Variants in THSD7B observed in about 807,000 individuals in gnomAD.
THSD7B encodes the protein thrombospondin type 1 domain containing 7B.
A neutral mutation model predicts 213.6 loss-of-function variants in THSD7B; 138 were observed. That is an observed-to-expected ratio of 0.65 (90% CI 0.56 to 0.74). THSD7B has a LOEUF of 0.74. Ranked by LOEUF, THSD7B falls within the 30% of genes least tolerant of loss-of-function variation. THSD7B has a pLI of 0.00. For synonymous variants in THSD7B, 742 were observed against 687.0 expected, an observed-to-expected ratio of 1.08 and a Z score of -1.25; for missense variants, 1,931 against 1,991.5, an observed-to-expected ratio of 0.97 and a Z score of 0.58.
chr2:137,075,357 C>G (rs1322410645), intron 3 of THSD7B, among the ~76,000 whole-genome samples: 4 of 152,194 alleles, frequency 2.6e-5, no homozygotes, highest in Non-Finnish European at 4.4e-5. Flanking sequence ...CGCTGGTACT[C>G]TTTCTTCCAG....
intron 5 of THSD7B, among the ~76,000 whole-genome samples, chr2:137,121,578 AATAGTT>A (rs1192402606): frequency 6.6e-6 from 1 of 152,186 alleles, no homozygotes; most frequent in Non-Finnish European, 1.5e-5. Flanking sequence ...TTTTACAAGT[AATAGTT>A]CAGCTTTCCT....
intron 15 of THSD7B, among the ~76,000 whole-genome samples, chr2:137,541,762 A>G (rs1357226632): frequency 1.3e-5 from 2 of 151,748 alleles, no homozygotes; most frequent in African/African-American, 4.8e-5. Flanking sequence ...TCAATTAGCC[A>G]GATAGAAATT....
intron 12 of THSD7B, among the ~76,000 whole-genome samples, chr2:137,303,555 G>C (rs953875255): frequency 2.0e-5 from 3 of 150,552 alleles, no homozygotes; most frequent in African/African-American, 7.3e-5. Flanking sequence ...GATACATTAA[G>C]AAGTTGGGGT....
intron 14 of THSD7B, among the ~76,000 whole-genome samples, chr2:137,434,899 C>G (rs1366193240): frequency 6.6e-6 from 1 of 152,082 alleles, no homozygotes; most frequent in Non-Finnish European, 1.5e-5. Context: ...ACATTTTTTT[C>G]TTCCATTAAG....
intron 1 of THSD7B, among the ~76,000 whole-genome samples, chr2:136,847,747 G>C (rs1220025833): frequency 6.6e-6 from 1 of 152,102 alleles, no homozygotes; most frequent in Non-Finnish European, 1.5e-5. Flanking sequence ...AGGTCAAAAA[G>C]CATGTAAGCA....
intron 2 of THSD7B, among the ~76,000 whole-genome samples, chr2:136,946,474 C>T (rs953964087): frequency 2.0e-5 from 3 of 152,140 alleles, no homozygotes; most frequent in African/African-American, 2.4e-5. Context: ...CTCCATTCTC[C>T]GAGCTCAAAC....
At chr2:137,667,626 C>T (rs1293735713) in intron 26 of THSD7B, 148 bp from the exon 27 acceptor site, 11 of 596,054 alleles carry the variant, frequency 1.8e-5, no homozygotes, top group Non-Finnish European at 2.7e-5. Context: ...CTAACTTCTG[C>T]AGTTGAGTGC....
intron 2 of THSD7B, among the ~76,000 whole-genome samples, chr2:137,037,594 G>C (rs925916834): frequency 6.6e-6 from 1 of 152,048 alleles, no homozygotes; most frequent in Non-Finnish European, 1.5e-5. Flanking sequence ...AACAGGTCTT[G>C]ATTTGACAGG....
chr2:137,056,663 C>T lies in THSD7B; in HGVS notation c.383C>T (p.Thr128Ile), dbSNP rs1687168503. The T allele has an allele frequency of 1.9e-6, 3 of 1,614,008 alleles. No individual in the cohort carries two copies. The highest frequency in any genetic ancestry group is 2.5e-6 in the Non-Finnish European group (3 of 1,179,898). Residue 128 changes from threonine (T) to isoleucine (I), a missense_variant, in exon 3 of 28, where the codon ACT becomes ATT. Thr to Ile is a moderately conservative substitution (Grantham distance 89). Coordinates refer to ENST00000409968, the MANE Select transcript of THSD7B (RefSeq NM_001316349.2). ...PYARGEVKPR[T>I]AECVTAQHGL... ...GCTCGCGGTGAAGTCAAGCCTCGGACTGCAGAGTGTGTGACGGCTCAGCAT... is the reference window on the plus strand; with the variant it reads ...GCTCGCGGTGAAGTCAAGCCTCGGATTGCAGAGTGTGTGACGGCTCAGCAT...
intron 3 of THSD7B, among the ~76,000 whole-genome samples, chr2:137,072,665 C>T (rs961280242): frequency 4.6e-5 from 7 of 152,130 alleles, no homozygotes; most frequent in Admixed American, 3.3e-4. Context: ...TGAGAGGGGG[C>T]GTCCCTGTCT....
chr2:137,523,885 C>T (rs377013134), intron 15 of THSD7B, among the ~76,000 whole-genome samples: 1 of 152,164 alleles, frequency 6.6e-6, no homozygotes, highest in Non-Finnish European at 1.5e-5. Context: ...TTGAAAACCA[C>T]TGCTGCAGCA....
At chr2:137,366,438 T>A (rs1685410065) in intron 12 of THSD7B, among the ~76,000 whole-genome samples, 1 of 151,440 alleles carries the variant, frequency 6.6e-6, no homozygotes, top group Non-Finnish European at 1.5e-5. Context: ...TCCTCTGAAA[T>A]GGAGGTAATG....
chr2:137,281,458 G>C (rs577792425), intron 12 of THSD7B, among the ~76,000 whole-genome samples: 203 of 151,912 alleles, frequency 1.3e-3, no homozygotes, highest in African/African-American at 4.5e-3. Context: ...TGCACAACAT[G>C]CAGGTTTGTT....
intron 15 of THSD7B, among the ~76,000 whole-genome samples, chr2:137,494,874 A>T (rs1320766946): frequency 6.6e-6 from 1 of 152,096 alleles, no homozygotes; most frequent in African/African-American, 2.4e-5. Flanking sequence ...CTGCCAACTC[A>T]ATCCATGTAT....
chr2:136,959,748 A>C (rs955824463), intron 2 of THSD7B, among the ~76,000 whole-genome samples: 4 of 152,184 alleles, frequency 2.6e-5, no homozygotes, highest in Non-Finnish European at 4.4e-5. Flanking sequence ...TATCTCCATA[A>C]ATTTATCATA....
intron 12 of THSD7B, among the ~76,000 whole-genome samples, chr2:137,316,470 C>G (rs1354878183): frequency 1.3e-5 from 2 of 152,154 alleles, no homozygotes; most frequent in Non-Finnish European, 1.5e-5. Context: ...TAAATAAGAA[C>G]TAACTGCTGT....
intron 21 of THSD7B, among the ~76,000 whole-genome samples, chr2:137,647,519 C>A (rs1324493003): frequency 6.9e-6 from 1 of 145,168 alleles, no homozygotes; most frequent in East Asian, 2.1e-4. Flanking sequence ...CTTCACTTTT[C>A]TTCTTTGTCT....
chr2:137,548,199 G>A (rs1189721311), intron 15 of THSD7B, among the ~76,000 whole-genome samples: 1 of 151,980 alleles, frequency 6.6e-6, no homozygotes, highest in Non-Finnish European at 1.5e-5. Flanking sequence ...CTGCTGCCTT[G>A]TCTTTTTCCT....
At chr2:137,390,465 A>G (rs1685996281) in intron 12 of THSD7B, among the ~76,000 whole-genome samples, 1 of 152,186 alleles carries the variant, frequency 6.6e-6, no homozygotes, top group South Asian at 2.1e-4. Context: ...GAAATATAAA[A>G]TCATGTCATC....
Sources: allele counts gnomAD v4.1 joint callset (sites outside exome capture counted in the v4.1 genomes callset), GRCh38; gene constraint gnomAD v4.1.1; transcripts MANE v1.5; gene names NCBI Gene and HGNC (gene_info 2026-07-23, HGNC 2026-07-21).